The following PCYT1B variants were observed in gnomAD, a reference collection of about 807,000 sequenced individuals.
PCYT1B encodes the protein choline-phosphate cytidylyltransferase B.
Under a neutral mutation model 26.4 loss-of-function variants are expected in PCYT1B, and 10 were observed. That is an observed-to-expected ratio of 0.38 (90% CI 0.23 to 0.64). The LOEUF (loss-of-function observed/expected upper bound fraction) is 0.64, where lower values mean the gene tolerates loss of function less well. Ranked by LOEUF, PCYT1B falls within the 30% of genes least tolerant of loss-of-function variation. PCYT1B has a pLI of 0.56. For missense variants in PCYT1B, 161 were observed against 292.7 expected (o/e 0.55, Z 3.28); for synonymous variants, 131 against 108.4 (o/e 1.21, Z -1.29).
At chrX:24,593,333 CTTTCTTTCTTTCTTTG>C (rs1643674006) in intron 3 of PCYT1B, among the ~76,000 whole-genome samples, 1 of 106,551 alleles carries the variant, frequency 9.4e-6, no homozygotes, top group African/African-American at 3.4e-5. Context: ...TTTTTCTTTT[CTTTCTTTCTTTCTTTG>C]TTTCTTTCTT....
chrX:24,668,877 A>G (rs1481562334), intron 1 of PCYT1B, among the ~76,000 whole-genome samples: 1 of 111,230 alleles, frequency 9.0e-6, no homozygotes, highest in Non-Finnish European at 1.9e-5. Flanking sequence ...TATCATATCA[A>G]TTGCTTGCAT....
chrX:24,590,825 G>A (rs1248000598), intron 3 of PCYT1B, among the ~76,000 whole-genome samples: 6 of 85,697 alleles, frequency 7.0e-5, no homozygotes, highest in Admixed American at 1.6e-4. Context: ...ACAGAGTCTC[G>A]CTCTATCGCC....
chrX:24,593,882 G>C (rs1924693533), intron 3 of PCYT1B, among the ~76,000 whole-genome samples: 1 of 110,913 alleles, frequency 9.0e-6, no homozygotes, highest in African/African-American at 3.3e-5. Flanking sequence ...GCTTCTAGAT[G>C]CATATAAATA....
At chrX:24,633,239 A>C (rs6526400) in intron 1 of PCYT1B, among the ~76,000 whole-genome samples, 46,100 of 98,223 alleles carry the variant, frequency 0.47, 9,774 homozygotes, top group East Asian at 0.66. Flanking sequence ...AAAAAGCTAG[A>C]AAACAAGATT....
intron 7 of PCYT1B, among the ~76,000 whole-genome samples, chrX:24,573,496 T>C (rs1923920943): frequency 9.0e-6 from 1 of 111,345 alleles, no homozygotes; most frequent in Admixed American, 9.6e-5. Flanking sequence ...CCTCTTGAGT[T>C]ACTATACCAA....
intron 1 of PCYT1B, among the ~76,000 whole-genome samples, chrX:24,637,125 T>G (rs1416143282): frequency 9.0e-6 from 1 of 110,587 alleles, no homozygotes; most frequent in Non-Finnish European, 1.9e-5. Flanking sequence ...AACACAGATA[T>G]CTGATTTATT....
upstream of PCYT1B, among the ~76,000 whole-genome samples, chrX:24,651,537 C>CT (rs372116194): frequency 4.7e-3 from 276 of 58,392 alleles, 2 homozygotes; most frequent in Middle Eastern, 0.013. Context: ...ATATATTATT[C>CT]TTTTTTTTTT....
chrX:24,564,222 G>A (rs747838478), intron 7 of PCYT1B, among the ~76,000 whole-genome samples: 1 of 110,359 alleles, frequency 9.1e-6, no homozygotes, highest in East Asian at 2.9e-4. Context: ...ATGGAGCCTG[G>A]CCCGGCCCGG....
chrX:24,590,100 T>G lies in PCYT1B; in HGVS notation c.409A>C (p.Arg137=). The part of the protein sequence containing the change: ...MNEAERYEAL[R]HCRYVDEVIR... ...ACTTCGTCTACGTAGCGACAGTGTC[T>G]GAGAGCTTCGTATCTCTCGGCTTCA... The change falls in exon 4 of 8, where the codon AGA becomes CGA. Residue 137 remains arginine, a synonymous_variant. Coordinates refer to ENST00000379144, the MANE Select transcript of PCYT1B (RefSeq NM_004845.5). 8.3e-7 allele frequency: 1 copy of G among 1,206,588 alleles called. No individual in the cohort carries two copies. Among genetic ancestry groups the G allele is most frequent in the East Asian group, 3.0e-5 (1 of 33,809 alleles).
intron 2 of PCYT1B, among the ~76,000 whole-genome samples, chrX:24,613,897 G>A (rs1925388547): frequency 9.7e-6 from 1 of 102,971 alleles, no homozygotes; most frequent in Non-Finnish European, 2.0e-5. Flanking sequence ...AGACTGCAGT[G>A]AGCTGTGATT....
chrX:24,640,351 G>A (rs759019172), intron 1 of PCYT1B, among the ~76,000 whole-genome samples: 2 of 112,003 alleles, frequency 1.8e-5, no homozygotes, highest in Non-Finnish European at 3.8e-5. Context: ...CCCTGCCCTT[G>A]GTCCCTTGAT....
At chrX:24,583,584 G>T (rs1202098700) in intron 5 of PCYT1B, among the ~76,000 whole-genome samples, 1 of 112,214 alleles carries the variant, frequency 8.9e-6, no homozygotes, top group Non-Finnish European at 1.9e-5. Flanking sequence ...TGTTGGACTT[G>T]TTCCTACACC....
Position 24,669,391 on chromosome X carries a change from C to T in PCYT1B, c.63+3179G>A, listed in dbSNP as rs187727314. Among the ~76,000 whole-genome samples, 78 of 106,265 alleles carry T rather than the reference C, an allele frequency of 7.3e-4. 1 individual carries two copies. The South Asian group carries it at 0.032, about 44-fold the overall frequency. 92.3% of individuals were successfully genotyped at this position (106,265 alleles called of 115,157 possible). A position where few individuals can be genotyped will look rare whatever the true frequency, so the allele number is the denominator to read the frequency against. On this transcript the variant is annotated intron_variant, in intron 1 of 7. Transcript: ENST00000379145. ...AATTAGCTGGGCATGGTGGTGGGTG[C>T]CTGTAATCCCAGCTACTCGGGAGGC...
Position 24,579,418 on chromosome X carries a change from T to C in PCYT1B, c.606A>G (p.Thr202=). 1 of 1,209,240 alleles carries C rather than the reference T, an allele frequency of 8.3e-7. No homozygotes were observed. The highest frequency in any genetic ancestry group is 1.1e-6 in the Non-Finnish European group (1 of 893,430). The change falls in exon 6 of 8, where the codon ACA becomes ACG. Residue 202 remains threonine, a synonymous_variant. Transcript: ENST00000379144. ...VPTQRTEGIS[T]SDIITRIVRD... ...GAACAATTCTGGTAATGATGTCCGA[T>C]GTTGAGATGCCTTCTGTTCTCTGCG...
chrX:24,667,805 G>C (rs1018873921), intron 1 of PCYT1B, among the ~76,000 whole-genome samples: 2 of 111,498 alleles, frequency 1.8e-5, no homozygotes, highest in Non-Finnish European at 3.8e-5. Flanking sequence ...TAAATTTGGA[G>C]AGTTTTAAGT....
intron 3 of PCYT1B, 61 bp downstream of exon 3, chrX:24,607,684 C>T: frequency 1.7e-6 from 1 of 587,397 alleles, no homozygotes. Context: ...CTGAAAGGGG[C>T]TCTTTTCAGA....
chrX:24,574,775 C>G (rs1464377381), intron 7 of PCYT1B, among the ~76,000 whole-genome samples: 1 of 111,963 alleles, frequency 8.9e-6, no homozygotes, highest in Non-Finnish European at 1.9e-5. Flanking sequence ...TGCCACTAGC[C>G]CACTTCATCT....
chrX:24,643,600 G>A (rs1310044424), intron 1 of PCYT1B, among the ~76,000 whole-genome samples: 7 of 111,293 alleles, frequency 6.3e-5, no homozygotes, highest in Admixed American at 1.9e-4. Flanking sequence ...CTATTTAATC[G>A]TCTCCTTTCT....
intron 1 of PCYT1B, among the ~76,000 whole-genome samples, chrX:24,658,715 T>G (rs1241988628): frequency 9.0e-6 from 1 of 111,185 alleles, no homozygotes; most frequent in East Asian, 2.8e-4. Flanking sequence ...CAGGATAATC[T>G]CTCCCATCTC....
Sources: allele counts gnomAD v4.1 joint callset (sites outside exome capture counted in the v4.1 genomes callset), GRCh38; gene constraint gnomAD v4.1.1; transcripts MANE v1.5; gene names NCBI Gene and HGNC (gene_info 2026-07-23, HGNC 2026-07-21).